TYW1B: variants seen among roughly 807,000 people sequenced by gnomAD.
TYW1B encodes the protein tRNA-yW synthesizing protein 1 homolog B.
TYW1B carries 73 observed loss-of-function variants against 86.9 expected under a neutral mutation model. The observed-to-expected ratio is 0.84, with a 90% CI of 0.70 to 1.02. The LOEUF is 1.02. Among genes scored for constraint, TYW1B ranks in the 50% least tolerant of loss-of-function variants. The probability of loss-of-function intolerance (pLI) is 0.00; values close to 1 mark genes in which losing one functional copy is unlikely to be tolerated. For synonymous variants in TYW1B, 248 were observed against 292.8 expected, an observed-to-expected ratio of 0.85 and a Z score of 1.56; for missense variants, 637 against 827.4, an observed-to-expected ratio of 0.77 and a Z score of 2.82.
intron 10 of TYW1B, among the ~76,000 whole-genome samples, chr7:72,705,134 C>A (rs1191934982): frequency 6.6e-6 from 1 of 152,178 alleles, no homozygotes; most frequent in African/African-American, 2.4e-5. Flanking sequence ...AAGAATCAGG[C>A]AGTATTCAAT....
At chr7:72,650,069 G>GT (rs58355823) in intron 11 of TYW1B, among the ~76,000 whole-genome samples, 41,863 of 131,400 alleles carry the variant, frequency 0.32, 6,611 homozygotes, top group East Asian at 0.55. Flanking sequence ...TTTTTTGTTG[G>GT]TTTTTTTTTT....
chr7:72,792,419 C>T (rs367756271), intron 6 of TYW1B, among the ~76,000 whole-genome samples: 1 of 151,806 alleles, frequency 6.6e-6, no homozygotes, highest in Non-Finnish European at 1.5e-5. Flanking sequence ...CAATCTCACT[C>T]AAAATTTTAA....
chr7:72,760,348 A>G (rs1366823445), intron 7 of TYW1B, among the ~76,000 whole-genome samples: 4 of 152,234 alleles, frequency 2.6e-5, no homozygotes, highest in Non-Finnish European at 1.5e-5. Flanking sequence ...CATGGCCTTC[A>G]TTAGATTAGC....
At chr7:72,720,230 C>T (rs1786870526) in intron 9 of TYW1B, among the ~76,000 whole-genome samples, 1 of 152,136 alleles carries the variant, frequency 6.6e-6, no homozygotes, top group Admixed American at 6.5e-5. Context: ...AACATGGCTG[C>T]CATCAACTCA....
In TYW1B at chr7:72,713,866, T is replaced by A. The variant is rs1357254077; in HGVS notation, c.1193-68A>T. 7 of 1,474,312 alleles carry A rather than the reference T, an allele frequency of 4.7e-6. No individual in the cohort carries two copies. The African/African-American group carries it at 8.4e-5, about 18-fold the overall frequency. The allele number at this position is 1,474,312 out of a possible 1,614,324, so 91.3% of individuals were successfully genotyped here. A position where few individuals can be genotyped will look rare whatever the true frequency, so the allele number is the denominator to read the frequency against. ...ATAGAGGATGTCACGTTTTTCTTAA[T>A]GATGCTTTGATTTTATAGAGCAAAT... On this transcript the variant is annotated intron_variant, in intron 9 of 13. Coordinates refer to ENST00000620995, the MANE Select transcript of TYW1B (RefSeq NM_001145440.3).
At chr7:72,688,543 T>C (rs1390339648) in intron 11 of TYW1B, among the ~76,000 whole-genome samples, 1 of 152,198 alleles carries the variant, frequency 6.6e-6, no homozygotes, top group Non-Finnish European at 1.5e-5. Context: ...ACCAATATCT[T>C]TATCAAATTC....
rs1218163242 is a variant in TYW1B, at chr7:72,662,422, TATATATAG to T, written c.1506+32257_1506+32264del. On this transcript the variant is annotated intron_variant, in intron 11 of 13. Coordinates refer to ENST00000620995, the MANE Select transcript of TYW1B (RefSeq NM_001145440.3). ...TATATCCCTTCAGGTTTTTAATATATATATATAGATAGATAGATAGATAGATAGATAGA... is the reference window on the plus strand; with the variant it reads ...TATATCCCTTCAGGTTTTTAATATATATAGATAGATAGATAGATAGATAGA... Among the ~76,000 whole-genome samples, 237 of 70,074 alleles carry T rather than the reference TATATATAG, an allele frequency of 3.4e-3. 2 individuals carry two copies. Among genetic ancestry groups the T allele is most frequent in the East Asian group, 0.015 (35 of 2,380 alleles). 46.0% of individuals were successfully genotyped at this position (70,074 alleles called of 152,430 possible).
At chr7:72,806,533 G>C (rs1171410329) in intron 5 of TYW1B, among the ~76,000 whole-genome samples, 2 of 151,794 alleles carry the variant, frequency 1.3e-5, no homozygotes, top group African/African-American at 4.8e-5. Context: ...CACCGTGCCC[G>C]GCCTAAAGAA....
intron 13 of TYW1B, among the ~76,000 whole-genome samples, chr7:72,587,059 T>C (rs1412407774): frequency 3.3e-5 from 5 of 152,194 alleles, no homozygotes; most frequent in African/African-American, 1.2e-4. Flanking sequence ...ATTTTCTAAA[T>C]GGGTCTTCCA....
chr7:72,820,150 C>A (rs782596602), intron 2 of TYW1B, among the ~76,000 whole-genome samples: 2 of 152,082 alleles, frequency 1.3e-5, no homozygotes, highest in Admixed American at 6.6e-5. Flanking sequence ...TGGCGCACAC[C>A]TGTAGTCCCA....
chr7:72,787,691 A>C (rs1178302166), intron 6 of TYW1B, among the ~76,000 whole-genome samples: 1 of 151,832 alleles, frequency 6.6e-6, no homozygotes, highest in Non-Finnish European at 1.5e-5. Flanking sequence ...CAATCACTTG[A>C]AAGAGGGAGG....
intron 10 of TYW1B, among the ~76,000 whole-genome samples, chr7:72,712,258 C>T (rs1242652360): frequency 6.6e-6 from 1 of 152,122 alleles, no homozygotes; most frequent in East Asian, 1.9e-4. Flanking sequence ...GGTGTAATTA[C>T]CTAGTCCTCT....
intron 7 of TYW1B, among the ~76,000 whole-genome samples, chr7:72,751,517 T>C (rs1300802885): frequency 6.6e-6 from 1 of 152,230 alleles, no homozygotes; most frequent in East Asian, 1.9e-4. Flanking sequence ...TTATAACTTG[T>C]CTTTGCTGAG....
chr7:72,779,861 GA>G (rs1233622939), intron 6 of TYW1B, among the ~76,000 whole-genome samples: 549 of 102,810 alleles, frequency 5.3e-3, no homozygotes, highest in African/African-American at 0.013. Context: ...TACCAAATGA[GA>G]AAAAAAAAAA....
intron 5 of TYW1B, among the ~76,000 whole-genome samples, chr7:72,805,801 T>C (rs1180107435): frequency 6.6e-6 from 1 of 152,032 alleles, no homozygotes; most frequent in Non-Finnish European, 1.5e-5. Flanking sequence ...TCCGCAAGGA[T>C]GCCACAGCCC....
chr7:72,802,481 A>G lies in TYW1B; in HGVS notation c.765T>C (p.Gly255=), dbSNP rs782732038. ...AATTTAGGCTCTGATGGTCCTCACC[A>G]CCAAACTCTTCTTCACTGGAGCTCT... is the stretch of plus-strand genomic sequence containing the variant. ...PFESSSEEEF[G]GEDHQSLNSI... The change falls in exon 6 of 14, where the codon GGT becomes GGC. Residue 255 remains glycine (G), a synonymous_variant. Transcript: ENST00000620995. 6.2e-7 allele frequency: 1 copy of G among 1,613,826 alleles called. No homozygotes were observed. The highest frequency in any genetic ancestry group is 1.3e-5 in the African/African-American group (1 of 74,912).
chr7:72,780,782 G>A (rs1382206237), intron 6 of TYW1B, among the ~76,000 whole-genome samples: 1 of 152,118 alleles, frequency 6.6e-6, no homozygotes, highest in African/African-American at 2.4e-5. Flanking sequence ...ACCTCCATAT[G>A]CAGTAGTAAT....
chr7:72,590,435 C>T (rs1811370656), intron 13 of TYW1B, among the ~76,000 whole-genome samples: 1 of 152,232 alleles, frequency 6.6e-6, no homozygotes, highest in African/African-American at 2.4e-5. Context: ...GCTTAAGTGA[C>T]TCCCTGGGGA....
chr7:72,827,412 G>C (rs1488882439), intron 1 of TYW1B, among the ~76,000 whole-genome samples: 2 of 152,100 alleles, frequency 1.3e-5, no homozygotes, highest in Admixed American at 6.6e-5. Flanking sequence ...CATCTCGTGG[G>C]GGGGGCGGGG....
Sources: gnomAD v4.1 joint callset for allele counts (sites outside exome capture counted in the v4.1 genomes callset) on GRCh38, gnomAD v4.1.1 for gene constraint, MANE v1.5 for transcripts, NCBI Gene and HGNC (gene_info 2026-07-23, HGNC 2026-07-21) for gene names.